Variants in TSC22D1 observed in about 807,000 individuals in gnomAD.
TSC22D1 encodes the protein TSC22 domain family protein 1.
In TSC22D1, 9 loss-of-function variants were observed where a neutral mutation model predicts 74.2. The observed-to-expected ratio is 0.12, with a 90% CI of 0.07 to 0.21. TSC22D1 has a LOEUF of 0.21. Ranked by LOEUF, TSC22D1 falls within the 10% of genes least tolerant of loss-of-function variation. The probability of loss-of-function intolerance (pLI) is 1.00; values close to 1 mark genes in which losing one functional copy is unlikely to be tolerated. For missense variants in TSC22D1, 1,427 were observed against 1,304.7 expected, an observed-to-expected ratio of 1.09 and a Z score of -1.44; for synonymous variants, 586 against 492.5, an observed-to-expected ratio of 1.19 and a Z score of -2.51.
intron 1 of TSC22D1, among the ~76,000 whole-genome samples, chr13:44,554,080 T>C (rs762818352): frequency 5.3e-5 from 8 of 152,212 alleles, no homozygotes; most frequent in Non-Finnish European, 8.8e-5. Flanking sequence ...AAGGAATCAC[T>C]CTTACTTAGC....
At position 44,495,307 on chromosome 13, in the gene TSC22D1, A is replaced by C. The variant is rs562975798; in HGVS notation, c.2913-59212T>G. ...TTAAAATGCTAAGGAAAAAAAAAAA[A>C]AAAACAGTCTAACGGTAATTCTATA... On this transcript the variant is annotated intron_variant, in intron 1 of 2. Coordinates refer to ENST00000458659, the MANE Select transcript of TSC22D1 (RefSeq NM_183422.4). Among the ~76,000 whole-genome samples, 31 of 152,194 alleles carry C rather than the reference A, an allele frequency of 2.0e-4. 1 individual carries two copies. Among genetic ancestry groups the C allele is most frequent in the South Asian group, 1.9e-3 (9 of 4,822 alleles).
At chr13:44,562,232 T>C (rs971332873) in intron 1 of TSC22D1, among the ~76,000 whole-genome samples, 2 of 151,968 alleles carry the variant, frequency 1.3e-5, no homozygotes, top group African/African-American at 2.4e-5. Flanking sequence ...TTTGTAGAGA[T>C]AGGGTACCAT....
chr13:44,565,549 T>TA (rs902561654), intron 1 of TSC22D1, among the ~76,000 whole-genome samples: 1 of 152,162 alleles, frequency 6.6e-6, no homozygotes, highest in Non-Finnish European at 1.5e-5. Flanking sequence ...AAAGATACTT[T>TA]AAAATTTTTC....
rs3046042 is a variant in TSC22D1, at chr13:44,517,333, AACAC to A, written c.2912+55826_2912+55829del. Reference sequence around the variant, plus strand: ...ATCGTTACCGTAAAAACAAAAACAAAACACACACACACACACACACACACACAAA... The same window carrying A: ...ATCGTTACCGTAAAAACAAAAACAAAACACACACACACACACACACACAAA... On this transcript the variant is annotated intron_variant, in intron 1 of 2. Coordinates refer to ENST00000458659, the MANE Select transcript of TSC22D1 (RefSeq NM_183422.4). Among the ~76,000 whole-genome samples the A allele has an allele frequency of 3.6e-3, 529 of 148,788 alleles. 1 individual carries two copies. Among genetic ancestry groups the A allele is most frequent in the South Asian group, 4.9e-3 (23 of 4,664 alleles).
intron 1 of TSC22D1, among the ~76,000 whole-genome samples, chr13:44,439,520 A>G (rs576432869): frequency 6.6e-6 from 1 of 152,350 alleles, no homozygotes; most frequent in Non-Finnish European, 1.5e-5. Context: ...TGCAAGACAA[A>G]CGATCCATAT....
At chr13:44,435,192 G>T in intron 2 of TSC22D1, 2 of 257,922 alleles carry the variant, frequency 7.8e-6, no homozygotes, top group Non-Finnish European at 7.3e-6. Flanking sequence ...CAGCAGCGGG[G>T]ACGTCCAAGC....
At chr13:44,545,320 C>T (rs567603160) in intron 1 of TSC22D1, among the ~76,000 whole-genome samples, 20 of 151,918 alleles carry the variant, frequency 1.3e-4, no homozygotes, top group African/African-American at 3.4e-4. Context: ...GGGCAACAAG[C>T]GAGATTCTGT....
chr13:44,521,042 G>C (rs972393695), intron 1 of TSC22D1, among the ~76,000 whole-genome samples: 1 of 152,124 alleles, frequency 6.6e-6, no homozygotes, highest in Non-Finnish European at 1.5e-5. Context: ...CCCAAGGTGA[G>C]TGGCAGTGCT....
At chr13:44,456,686 A>G (rs1277153684) in intron 1 of TSC22D1, among the ~76,000 whole-genome samples, 2 of 152,094 alleles carry the variant, frequency 1.3e-5, no homozygotes, top group Admixed American at 1.3e-4. Context: ...TAAAATCCTA[A>G]AAGATTACAT....
intron 1 of TSC22D1, among the ~76,000 whole-genome samples, chr13:44,484,594 A>G (rs1308573572): frequency 6.6e-6 from 1 of 152,226 alleles, no homozygotes; most frequent in East Asian, 1.9e-4. Context: ...GAAATGATGG[A>G]AATTGTTAAA....
At chr13:44,457,458 CAT>C (rs1876724514) in intron 1 of TSC22D1, among the ~76,000 whole-genome samples, 1 of 151,960 alleles carries the variant, frequency 6.6e-6, no homozygotes, top group South Asian at 2.1e-4. Flanking sequence ...GTGATGAGAA[CAT>C]GTGGTATCTC....
At chr13:44,475,824 C>A (rs1226014517) in intron 1 of TSC22D1, among the ~76,000 whole-genome samples, 1 of 152,162 alleles carries the variant, frequency 6.6e-6, no homozygotes, top group African/African-American at 2.4e-5. Flanking sequence ...AACTCCCAGA[C>A]TAGATAGCTC....
At position 44,441,122 on chromosome 13, in the gene TSC22D1, G is replaced by GAA. The variant is rs1875162445; in HGVS notation, c.2913-5029_2913-5028dup. On this transcript the variant is annotated intron_variant, in intron 1 of 2. Transcript: ENST00000458659. Reference sequence around the variant, plus strand: ...GGAACCAGGAACTCAGATACTGGAGGAAAGGAAGGGAATCAGCAGGCTGGA... The same window carrying GAA: ...GGAACCAGGAACTCAGATACTGGAGGAAAAAGGAAGGGAATCAGCAGGCTGGA... 2.0e-5 allele frequency among the ~76,000 whole-genome samples: 3 copies of GAA among 152,180 alleles called. No individual in the cohort carries two copies. The South Asian group carries it at 6.2e-4, about 31-fold the overall frequency.
chr13:44,509,949 G>GCAAAAAAAAAAAAAAAAAAAAAGA (rs1879614380), intron 1 of TSC22D1, among the ~76,000 whole-genome samples: 1 of 6,184 alleles, frequency 1.6e-4, no homozygotes, highest in Non-Finnish European at 3.2e-4. Context: ...TAGAAAATAA[G>GCAAAAAAAAAAAAAAAAAAAAAGA]CAAAAAAAAA....
intron 1 of TSC22D1, among the ~76,000 whole-genome samples, chr13:44,468,193 A>G (rs1877404060): frequency 6.6e-6 from 1 of 152,200 alleles, no homozygotes. Context: ...AGGCATACAG[A>G]GTTGTATAAC....
intron 1 of TSC22D1, among the ~76,000 whole-genome samples, chr13:44,531,993 A>G (rs766022166): frequency 2.0e-4 from 30 of 152,236 alleles, no homozygotes; most frequent in Non-Finnish European, 3.4e-4. Context: ...TACCAGTCAC[A>G]TAACAAGTGT....
rs950531015 is a variant in TSC22D1, at chr13:44,433,754, G to A, written c.*872C>T. ...TCAGTGAACAAGGATTTACTTCAGC[G>A]TATTCAGCAGCTAGATTTCAGATTA... On this transcript the variant is annotated 3_prime_UTR_variant, in exon 3 of 3. Transcript: ENST00000458659. 12 of 507,652 alleles carry A rather than the reference G, an allele frequency of 2.4e-5. No homozygotes were observed. Among genetic ancestry groups the A allele is most frequent in the East Asian group, 3.6e-5 (1 of 27,650 alleles). 31.4% of individuals were successfully genotyped at this position (507,652 alleles called of 1,614,324 possible). A position where few individuals can be genotyped will look rare whatever the true frequency, so the allele number is the denominator to read the frequency against.
Position 44,442,843 on chromosome 13 carries a change from A to G in TSC22D1, c.2913-6748T>C, listed in dbSNP as rs181130200. 1.9e-3 allele frequency among the ~76,000 whole-genome samples: 268 copies of G among 142,652 alleles called. 1 individual carries two copies. Among genetic ancestry groups the G allele is most frequent in the African/African-American group, 6.3e-3 (241 of 38,428 alleles). 93.6% of individuals were successfully genotyped at this position (142,652 alleles called of 152,430 possible). ...AGAACTGCATGAACCCAGGAGGCAG[A>G]GGTTGGAGTGAGCCGAGATTGCGCC... On this transcript the variant is annotated intron_variant, in intron 1 of 2. Coordinates refer to ENST00000458659, the MANE Select transcript of TSC22D1 (RefSeq NM_183422.4).
intron 1 of TSC22D1, among the ~76,000 whole-genome samples, chr13:44,551,781 A>G (rs551683804): frequency 3.9e-5 from 6 of 151,976 alleles, no homozygotes; most frequent in African/African-American, 1.4e-4. Context: ...CAGACCTGTA[A>G]TCCCAACACT....
Sources: allele counts gnomAD v4.1 joint callset (sites outside exome capture counted in the v4.1 genomes callset), GRCh38; gene constraint gnomAD v4.1.1; transcripts MANE v1.5; gene names NCBI Gene and HGNC (gene_info 2026-07-23, HGNC 2026-07-21).